RSF1: variants seen among roughly 807,000 people sequenced by gnomAD.
The protein encoded by RSF1 is HBV pX-associated protein 8.
A neutral mutation model predicts 145.2 loss-of-function variants in RSF1; 13 were observed. The ratio of observed to expected loss-of-function variants is 0.09; its 90% confidence interval spans 0.06 to 0.14. The LOEUF is 0.14. Among genes scored for constraint, RSF1 ranks in the 10% least tolerant of loss-of-function variants. The pLI is 1.00. For missense variants in RSF1, 1,517 were observed against 1,718.2 expected (o/e 0.88, Z 2.07); for synonymous variants, 577 against 592.6 (o/e 0.97, Z 0.38).
At chr11:77,869,921 A>G in the RSF1 span, 52 of 1,099,520 alleles carry the variant, frequency 4.7e-5, 3 homozygotes, top group South Asian at 6.5e-4. Flanking sequence ...TATATCATGT[A>G]CCCTCATTTT....
At chr11:77,692,706 T>A (rs1025817008) in intron 8 of RSF1, among the ~76,000 whole-genome samples, 4 of 142,544 alleles carry the variant, frequency 2.8e-5, no homozygotes, top group African/African-American at 7.9e-5. Context: ...TGAGACAGAG[T>A]CTTGCTCTGT....
intron 13 of RSF1, among the ~76,000 whole-genome samples, chr11:77,676,482 C>G (rs1959705358): frequency 6.6e-6 from 1 of 152,144 alleles, no homozygotes; most frequent in Non-Finnish European, 1.5e-5. Context: ...GGAAACCCCT[C>G]ATGGACCTGG....
intron 4 of RSF1, among the ~76,000 whole-genome samples, chr11:77,738,256 AAGTATTATCACTTTCATTTT>A (rs1475034923): frequency 6.6e-6 from 1 of 152,232 alleles, no homozygotes; most frequent in African/African-American, 2.4e-5. Context: ...CTTTTTGAGG[AAGTATTATCACTTTCATTTT>A]AAAGTACAGG....
At chr11:77,829,924 G>A in the RSF1 span, 1 of 152,212 alleles carries the variant, frequency 6.6e-6, no homozygotes, top group South Asian at 2.1e-4. Flanking sequence ...TTGAGGCCAG[G>A]AATTTGAGAC....
chr11:77,868,457 C>T, the RSF1 span, among the ~76,000 whole-genome samples: 1 of 149,158 alleles, frequency 6.7e-6, no homozygotes, highest in Non-Finnish European at 1.5e-5. Context: ...CTCCCAGGTT[C>T]AAGTGATTCT....
chr11:77,669,949 C>A (rs1438610068), intron 15 of RSF1, among the ~76,000 whole-genome samples: 1 of 152,120 alleles, frequency 6.6e-6, no homozygotes, highest in Non-Finnish European at 1.5e-5. Flanking sequence ...GGCAACACTG[C>A]AAGATCTCAT....
At chr11:77,705,717 A>C (rs1590841405) in intron 5 of RSF1, among the ~76,000 whole-genome samples, 2 of 152,018 alleles carry the variant, frequency 1.3e-5, no homozygotes, top group South Asian at 4.2e-4. Flanking sequence ...TTGGGTCCAG[A>C]TTCTATACAC....
intron 1 of RSF1, among the ~76,000 whole-genome samples, chr11:77,789,990 A>G (rs1948501100): frequency 6.6e-6 from 1 of 152,158 alleles, no homozygotes; most frequent in Admixed American, 6.5e-5. Flanking sequence ...AGCCACCGCC[A>G]ACACCAGTAC....
chr11:77,743,458 A>C (rs930746607), intron 3 of RSF1, among the ~76,000 whole-genome samples: 3 of 152,154 alleles, frequency 2.0e-5, no homozygotes, highest in Non-Finnish European at 2.9e-5. Flanking sequence ...ATTTACTCCT[A>C]AATATTTTAT....
the RSF1 span, among the ~76,000 whole-genome samples, chr11:77,838,372 C>T: frequency 6.6e-6 from 1 of 152,146 alleles, no homozygotes; most frequent in African/African-American, 2.4e-5. Flanking sequence ...ATCCTTGATA[C>T]ACTGAGTTGG....
rs1948447078 is a variant in RSF1 at position 77,785,669 on chromosome 11, TG to T, written c.188-20981del. On this transcript the variant is annotated intron_variant, in intron 1 of 15. Coordinates refer to ENST00000308488, the MANE Select transcript of RSF1 (RefSeq NM_016578.4). The stretch of plus-strand genomic sequence containing the variant: ...GATATGAATTTTTAAAAGAGCAAAT[TG>T]GACAGGCACAGTGGCTTACGCCTGT... 2.6e-5 allele frequency among the ~76,000 whole-genome samples: 4 copies of T among 151,286 alleles called. No individual in the cohort carries two copies. The South Asian group carries it at 8.3e-4, about 31-fold the overall frequency.
chr11:77,692,267 C>A (rs1355213682), intron 8 of RSF1, among the ~76,000 whole-genome samples: 1 of 13,014 alleles, frequency 7.7e-5, no homozygotes. Context: ...TTTTTTGAGA[C>A]GGAGTCTCGC....
In RSF1 at chr11:77,802,127, G is replaced by A. The variant is rs549558051; in HGVS notation, c.187+18401C>T. Among the ~76,000 whole-genome samples, 10 of 152,232 alleles carry A rather than the reference G, an allele frequency of 6.6e-5. No homozygotes were observed. In the East Asian group the frequency reaches 1.3e-3, roughly 21 times the overall value. ...CTCTTCCAGATCTTGTTTACCCAGC[G>A]TACCTCTTCATCTGGCTGCTCGTTT... On this transcript the variant is annotated intron_variant, in intron 1 of 15. Transcript: ENST00000308488.
At chr11:77,691,514 C>T in intron 8 of RSF1, 1 of 398,820 alleles carries the variant, frequency 2.5e-6, no homozygotes, top group South Asian at 3.6e-5. Flanking sequence ...ATGTTTAAAA[C>T]AGCATTTGGT....
At chr11:77,744,501 C>T (rs559565565) in intron 3 of RSF1, among the ~76,000 whole-genome samples, 2 of 152,146 alleles carry the variant, frequency 1.3e-5, no homozygotes, top group South Asian at 2.1e-4. Flanking sequence ...GAAGTGATCT[C>T]GCTATGTTGC....
At chr11:77,821,426 G>A (rs1307377471), upstream of RSF1, among the ~76,000 whole-genome samples, 1 of 152,150 alleles carries the variant, frequency 6.6e-6, no homozygotes, top group East Asian at 1.9e-4. Context: ...ATGTCTCTGT[G>A]GAAGTTTGCC....
chr11:77,804,034 T>C lies in RSF1; in HGVS notation c.187+16494A>G, dbSNP rs139641430. On this transcript the variant is annotated intron_variant, in intron 1 of 15. Coordinates refer to ENST00000308488, the MANE Select transcript of RSF1 (RefSeq NM_016578.4). ...TGCAGTGGGCCATGTTGCACCACTGTACTGCAGCCTGGGCAACAGAGCAAC... is the reference window on the plus strand; with the variant it reads ...TGCAGTGGGCCATGTTGCACCACTGCACTGCAGCCTGGGCAACAGAGCAAC... Among the ~76,000 whole-genome samples, 758 of 152,252 alleles carry C rather than the reference T, an allele frequency of 5.0e-3. 4 individuals carry two copies. The highest frequency in any genetic ancestry group is 6.0e-3 in the South Asian group (29 of 4,826).
rs982594481 is a variant in RSF1 at position 77,806,042 on chromosome 11, C to T, written c.187+14486G>A. On this transcript the variant is annotated intron_variant, in intron 1 of 15. Coordinates refer to ENST00000308488, the MANE Select transcript of RSF1 (RefSeq NM_016578.4). ...TTTCTCTCACTCCCTATGGCCACTT[C>T]CCCAACTTTCTCACAATAGGAATGT... Among the ~76,000 whole-genome samples, 11 of 152,270 alleles carry T rather than the reference C, an allele frequency of 7.2e-5. No homozygotes were observed. The South Asian group carries it at 1.2e-3, about 17-fold the overall frequency.
At chr11:77,728,028 T>G (rs952257353) in intron 4 of RSF1, among the ~76,000 whole-genome samples, 25 of 152,178 alleles carry the variant, frequency 1.6e-4, no homozygotes, top group African/African-American at 5.3e-4. Context: ...CTTAACACTA[T>G]GTACAGAATA....
Sources: allele counts gnomAD v4.1 joint callset (sites outside exome capture counted in the v4.1 genomes callset), GRCh38; gene constraint gnomAD v4.1.1; transcripts MANE v1.5; gene names NCBI Gene and HGNC (gene_info 2026-07-23, HGNC 2026-07-21).